Variants in C12orf42 observed in about 807,000 individuals in gnomAD.
C12orf42 encodes the protein uncharacterized protein C12orf42.
In C12orf42, 25 loss-of-function variants were observed where a neutral mutation model predicts 21.6. That is an observed-to-expected ratio of 1.16 (90% CI 0.84 to 1.62). C12orf42 has a LOEUF of 1.62. C12orf42 is among the 40% of genes most tolerant of loss of function. The pLI, the probability that C12orf42 is intolerant of heterozygous loss-of-function variation, is 0.00. For missense variants in C12orf42, 483 were observed against 459.3 expected (o/e 1.05, Z -0.47); for synonymous variants, 174 against 175.0 (o/e 0.99, Z 0.05).
chr12:103,110,896 A>C, the C12orf42 span, among the ~76,000 whole-genome samples: 1 of 152,206 alleles, frequency 6.6e-6, no homozygotes, highest in East Asian at 1.9e-4. Context: ...ATGCACATAG[A>C]TTTTTAAGTG....
chr12:103,293,904 A>G (rs965431181), intron 4 of C12orf42, among the ~76,000 whole-genome samples: 1 of 152,172 alleles, frequency 6.6e-6, no homozygotes, highest in Admixed American at 6.6e-5. Context: ...GATTATCATC[A>G]AAGGACCTAA....
At chr12:103,227,120 A>T in the C12orf42 span, among the ~76,000 whole-genome samples, 1 of 152,104 alleles carries the variant, frequency 6.6e-6, no homozygotes, top group Non-Finnish European at 1.5e-5. Context: ...AACACAGGCC[A>T]AGGGAGTAGA....
At chr12:103,106,012 C>T in the C12orf42 span, among the ~76,000 whole-genome samples, 3 of 152,104 alleles carry the variant, frequency 2.0e-5, no homozygotes, top group Non-Finnish European at 4.4e-5. Context: ...AATCCATCTA[C>T]TGAAGAAGAA....
chr12:103,388,517 T>G (rs1336349970), intron 3 of C12orf42, among the ~76,000 whole-genome samples: 2 of 152,220 alleles, frequency 1.3e-5, no homozygotes, highest in Non-Finnish European at 2.9e-5. Context: ...AAAATGGGAT[T>G]CTACTGCATT....
chr12:103,451,061 G>T (rs1047771249), intron 2 of C12orf42, among the ~76,000 whole-genome samples: 4 of 151,802 alleles, frequency 2.6e-5, no homozygotes, highest in Non-Finnish European at 2.9e-5. Flanking sequence ...TGTCACTTTG[G>T]GTGTGTCAGA....
chr12:103,545,154 G>C, the C12orf42 span, among the ~76,000 whole-genome samples: 1 of 152,068 alleles, frequency 6.6e-6, no homozygotes, highest in Non-Finnish European at 1.5e-5. Context: ...TTTAAATTCT[G>C]AATTTGAGGA....
chr12:103,306,489 T>C (rs937807972), intron 4 of C12orf42, 144 bp from the exon 5 acceptor site: 1 of 950,558 alleles, frequency 1.1e-6, no homozygotes, highest in Middle Eastern at 3.4e-4. Context: ...CAGACTAGGG[T>C]AGCTGAGTAG....
At chr12:103,048,674 G>A in the C12orf42 span, among the ~76,000 whole-genome samples, 1 of 152,142 alleles carries the variant, frequency 6.6e-6, no homozygotes, top group Non-Finnish European at 1.5e-5. Flanking sequence ...GTGTGCTCCG[G>A]AGAAGAGCTT....
intron 3 of C12orf42, chr12:103,396,344 T>C (rs7312095): frequency 0.62 from 93,639 of 151,962 alleles, 30,056 homozygotes; most frequent in Admixed American, 0.73. Flanking sequence ...TTCACCATGA[T>C]TGTAAGTTTC....
the C12orf42 span, among the ~76,000 whole-genome samples, chr12:103,100,266 G>C: frequency 6.6e-6 from 1 of 152,352 alleles, no homozygotes; most frequent in East Asian, 1.9e-4. Context: ...ATGAATGGCT[G>C]TGAAGGCTTT....
At chr12:103,449,802 T>C (rs1330841648) in intron 2 of C12orf42, among the ~76,000 whole-genome samples, 18 of 151,096 alleles carry the variant, frequency 1.2e-4, no homozygotes, top group Admixed American at 1.2e-3. Flanking sequence ...TCTAGTTCCA[T>C]TTGAAAAAAA....
intron 2 of C12orf42, among the ~76,000 whole-genome samples, chr12:103,429,124 T>C (rs1254373026): frequency 6.6e-6 from 1 of 152,162 alleles, no homozygotes; most frequent in Non-Finnish European, 1.5e-5. Flanking sequence ...GCCAAGGCAA[T>C]CAGGCAAGAG....
chr12:103,552,401 C>CA, the C12orf42 span, among the ~76,000 whole-genome samples: 888 of 151,942 alleles, frequency 5.8e-3, 12 homozygotes, highest in African/African-American at 0.02. Flanking sequence ...TTATTAAAAA[C>CA]AAAAAAACAC....
chr12:103,314,847 A>G (rs2039305457), intron 4 of C12orf42, among the ~76,000 whole-genome samples: 1 of 152,150 alleles, frequency 6.6e-6, no homozygotes, highest in Non-Finnish European at 1.5e-5. Flanking sequence ...ACACTTACTA[A>G]AAGACTGAGA....
intron 4 of C12orf42, among the ~76,000 whole-genome samples, chr12:103,333,221 G>A (rs969466119): frequency 6.6e-6 from 1 of 152,132 alleles, no homozygotes; most frequent in Non-Finnish European, 1.5e-5. Flanking sequence ...GACAGACCTA[G>A]TTTTGAATTG....
intron 3 of C12orf42, among the ~76,000 whole-genome samples, chr12:103,372,188 G>A (rs984949245): frequency 5.9e-5 from 9 of 151,918 alleles, no homozygotes; most frequent in Admixed American, 5.9e-4. Context: ...CCACCTATTA[G>A]CATCTTCATC....
At chr12:103,083,009 A>C in the C12orf42 span, among the ~76,000 whole-genome samples, 4 of 152,186 alleles carry the variant, frequency 2.6e-5, no homozygotes, top group Admixed American at 6.5e-5. Flanking sequence ...AGGCATGCCA[A>C]CCAAGAAAGG....
chr12:103,384,039 A>G (rs995232608), intron 3 of C12orf42, among the ~76,000 whole-genome samples: 3 of 152,230 alleles, frequency 2.0e-5, no homozygotes, highest in African/African-American at 7.2e-5. Flanking sequence ...GTAGATTTTC[A>G]TGACTCCAGC....
rs2048123698 is a variant in C12orf42 at position 103,402,841 on chromosome 12, G to A, written c.79-1166C>T. The stretch of plus-strand genomic sequence containing the variant: ...GAGAAGTAGAAGGGGACCCAAGGTG[G>A]CAGAAATAGGTAAAATTACTAGAAT... On this transcript the variant is annotated intron_variant, in intron 2 of 5. Transcript: ENST00000548883. Among the ~76,000 whole-genome samples the A allele has an allele frequency of 3.3e-5, 5 of 152,170 alleles. No individual in the cohort carries two copies. In the South Asian group the frequency reaches 1.0e-3, roughly 32 times the overall value.
Sources: allele counts gnomAD v4.1 joint callset (sites outside exome capture counted in the v4.1 genomes callset), GRCh38; gene constraint gnomAD v4.1.1; transcripts MANE v1.5; gene names NCBI Gene and HGNC (gene_info 2026-07-23, HGNC 2026-07-21).